The following DLGAP2 variants were observed in gnomAD, a reference collection of about 807,000 sequenced individuals.
DLGAP2 encodes the protein disks large-associated protein 2.
A neutral mutation model predicts 100.3 loss-of-function variants in DLGAP2; 26 were observed. The ratio of observed to expected loss-of-function variants is 0.26; its 90% CI spans 0.19 to 0.36. The LOEUF (loss-of-function observed/expected upper bound fraction) is 0.36. DLGAP2 is among the 10% of genes least tolerant of loss of function. The probability of loss-of-function intolerance (pLI) is 1.00; values close to 1 mark genes in which losing one functional copy is unlikely to be tolerated. For missense variants in DLGAP2, 1,858 were observed against 1,453.2 expected, an observed-to-expected ratio of 1.28 and a Z score of -4.53; for synonymous variants, 886 against 630.1, an observed-to-expected ratio of 1.41 and a Z score of -6.08.
intron 6 of DLGAP2, among the ~76,000 whole-genome samples, chr8:1,600,296 C>T (rs1796585410): frequency 6.6e-6 from 1 of 152,066 alleles, no homozygotes; most frequent in African/African-American, 2.4e-5. Context: ...TCTCTGGCTG[C>T]CCTTATCATT....
At chr8:1,253,644 C>A (rs1017401190) in intron 2 of DLGAP2, among the ~76,000 whole-genome samples, 13 of 123,614 alleles carry the variant, frequency 1.1e-4, no homozygotes, top group South Asian at 2.7e-4. Flanking sequence ...CGGTTCTCAG[C>A]GGGCTGCGTG....
At chr8:1,581,069 C>T (rs2130637901) in intron 6 of DLGAP2, among the ~76,000 whole-genome samples, 1 of 151,234 alleles carries the variant, frequency 6.6e-6, no homozygotes, top group African/African-American at 2.4e-5. Context: ...CAAAACCCCA[C>T]ACACATCTAC....
intron 3 of DLGAP2, among the ~76,000 whole-genome samples, chr8:1,409,092 C>G (rs1197624046): frequency 6.6e-6 from 1 of 151,778 alleles, no homozygotes; most frequent in Admixed American, 6.6e-5. Flanking sequence ...CCCGGCTCCC[C>G]TTGGACCACT....
chr8:823,310 C>CATTATTATTATT (rs5888817), intron 1 of DLGAP2, among the ~76,000 whole-genome samples: 66 of 148,510 alleles, frequency 4.4e-4, no homozygotes, highest in African/African-American at 1.5e-3. Context: ...AGCTTGAATT[C>CATTATTATTATT]ATTATTATTA....
chr8:1,455,858 G>C (rs896985572), intron 3 of DLGAP2, among the ~76,000 whole-genome samples: 1 of 152,180 alleles, frequency 6.6e-6, no homozygotes, highest in Non-Finnish European at 1.5e-5. Flanking sequence ...ACTCCAGGAC[G>C]GCAGGCGGTC....
At position 1,548,960 on chromosome 8, in the gene DLGAP2, C is replaced by A; in HGVS notation, c.507C>A (p.His169Gln). ...STFPRMHYSS[H>Q]YDTRDDCAVA... ...TCCCGCGGATGCACTACAGCTCGCA[C>A]TACGACACGCGCGACGACTGCGCTG... Residue 169 changes from histidine to glutamine, a missense_variant, in exon 5 of 15, where the codon CAC (histidine) becomes CAA (glutamine). Transcript: ENST00000637795. The A allele has an allele frequency of 6.3e-7, 1 of 1,599,074 alleles. No individual in the cohort carries two copies. Among genetic ancestry groups the A allele is most frequent in the African/African-American group, 1.3e-5 (1 of 75,046 alleles).
chr8:741,632 G>A (rs1820488339), intron 1 of DLGAP2, among the ~76,000 whole-genome samples: 2 of 152,212 alleles, frequency 1.3e-5, no homozygotes, highest in African/African-American at 2.4e-5. Context: ...GCCTTCAGGA[G>A]TTGAGCTTTC....
At chr8:1,295,724 G>T (rs1800157842) in intron 3 of DLGAP2, among the ~76,000 whole-genome samples, 3 of 152,176 alleles carry the variant, frequency 2.0e-5, no homozygotes, top group Admixed American at 2.0e-4. Flanking sequence ...GTCTCTCTGT[G>T]GGCCCAAGGG....
intron 3 of DLGAP2, among the ~76,000 whole-genome samples, chr8:1,261,041 G>A (rs1054756131): frequency 3.3e-5 from 5 of 152,224 alleles, no homozygotes; most frequent in East Asian, 1.9e-4. Flanking sequence ...AAACGTGTTC[G>A]TTCCTGCTCT....
At chr8:1,543,283 A>C (rs1274726353) in intron 4 of DLGAP2, among the ~76,000 whole-genome samples, 1 of 152,220 alleles carries the variant, frequency 6.6e-6, no homozygotes, top group East Asian at 1.9e-4. Flanking sequence ...CACAGTCACA[A>C]AGAAATGCAT....
chr8:1,082,502 A>C (rs1164539168), intron 2 of DLGAP2, among the ~76,000 whole-genome samples: 1 of 152,216 alleles, frequency 6.6e-6, no homozygotes, highest in Non-Finnish European at 1.5e-5. Context: ...TAGCAAACTC[A>C]TGCACAATTA....
chr8:1,256,234 G>A (rs1799210879), intron 2 of DLGAP2, among the ~76,000 whole-genome samples: 1 of 115,494 alleles, frequency 8.7e-6, no homozygotes. Context: ...GCCCTCTCCT[G>A]CCCGGGTGCT....
chr8:1,513,578 A>G (rs1022925803), intron 4 of DLGAP2, among the ~76,000 whole-genome samples: 1 of 152,214 alleles, frequency 6.6e-6, no homozygotes, highest in Non-Finnish European at 1.5e-5. Flanking sequence ...TACTGCCTGG[A>G]AAATTGCAGC....
intron 3 of DLGAP2, among the ~76,000 whole-genome samples, chr8:1,446,137 T>C (rs1379497860): frequency 6.6e-6 from 1 of 152,044 alleles, no homozygotes; most frequent in African/African-American, 2.4e-5. Context: ...TGCCATTGCT[T>C]TTGGTGTTTT....
intron 2 of DLGAP2, among the ~76,000 whole-genome samples, chr8:949,692 G>C (rs1203633098): frequency 6.6e-6 from 1 of 152,090 alleles, no homozygotes; most frequent in Non-Finnish European, 1.5e-5. Flanking sequence ...CCCCCTTGCA[G>C]TGTCCCCGGT....
chr8:858,318 A>C (rs957105202), intron 1 of DLGAP2, among the ~76,000 whole-genome samples: 2 of 152,264 alleles, frequency 1.3e-5, no homozygotes, highest in African/African-American at 4.8e-5. Context: ...ACGTGAAAGA[A>C]GCCTGTCGCA....
chr8:1,011,959 C>A (rs539546813), intron 2 of DLGAP2, among the ~76,000 whole-genome samples: 1 of 152,302 alleles, frequency 6.6e-6, no homozygotes, highest in East Asian at 1.9e-4. Flanking sequence ...AGACGGATGT[C>A]TCGGCTCACT....
chr8:1,281,242 C>G (rs1799807437), intron 3 of DLGAP2, among the ~76,000 whole-genome samples: 1 of 152,246 alleles, frequency 6.6e-6, no homozygotes, highest in Admixed American at 6.5e-5. Flanking sequence ...CAGATACCTT[C>G]AAAGTCGTAG....
chr8:1,437,538 C>A (rs954662508), intron 3 of DLGAP2, among the ~76,000 whole-genome samples: 1 of 152,142 alleles, frequency 6.6e-6, no homozygotes, highest in Non-Finnish European at 1.5e-5. Flanking sequence ...CCTTAGTTCA[C>A]GTGGATGGAT....
Sources: allele counts gnomAD v4.1 joint callset (sites outside exome capture counted in the v4.1 genomes callset), GRCh38; gene constraint gnomAD v4.1.1; transcripts MANE v1.5; gene names NCBI Gene and HGNC (gene_info 2026-07-23, HGNC 2026-07-21).